SNX29: variants seen among roughly 807,000 people sequenced by gnomAD.
SNX29 encodes the protein sorting nexin-29.
In SNX29, 78 loss-of-function variants were observed where a neutral mutation model predicts 102.1. The observed-to-expected ratio is 0.76, with a 90% CI of 0.64 to 0.92. The LOEUF is 0.92. Among genes scored for constraint, SNX29 ranks in the 40% least tolerant of loss-of-function variants. The probability of loss-of-function intolerance (pLI) is 0.00; values close to 1 mark genes in which losing one functional copy is unlikely to be tolerated. For synonymous variants in SNX29, 580 were observed against 414.5 expected (o/e 1.40, Z -4.85); for missense variants, 1,280 against 1,061.7 (o/e 1.21, Z -2.86).
chr16:12,479,598 A>G (rs1437035137), intron 19 of SNX29, among the ~76,000 whole-genome samples: 1 of 152,234 alleles, frequency 6.6e-6, no homozygotes, highest in East Asian at 1.9e-4. Context: ...ATACTTGTTC[A>G]TAGCAAAGAG....
At chr16:12,542,100 C>A (rs748311253) in intron 20 of SNX29, among the ~76,000 whole-genome samples, 1 of 152,094 alleles carries the variant, frequency 6.6e-6, no homozygotes, top group African/African-American at 2.4e-5. Context: ...TTGTCTCTTC[C>A]CAACGGATCC....
chr16:12,155,940 G>A (rs79259756), intron 13 of SNX29, among the ~76,000 whole-genome samples: 24,982 of 152,198 alleles, frequency 0.16, 2,237 homozygotes, highest in East Asian at 0.28. Flanking sequence ...AGCCAAAGCT[G>A]GTGAGTGGTA....
chr16:12,199,790 G>C, intron 14 of SNX29, 107 bp downstream of exon 14: 1 of 915,802 alleles, frequency 1.1e-6, no homozygotes, highest in South Asian at 1.5e-5. Flanking sequence ...TATGTGGATG[G>C]ATTAGAATAA....
chr16:12,293,234 GCCTGACCC>G (rs1399785019), intron 15 of SNX29, among the ~76,000 whole-genome samples: 2 of 152,166 alleles, frequency 1.3e-5, no homozygotes, highest in African/African-American at 4.8e-5. Context: ...GAGTCACCAC[GCCTGACCC>G]CATCATATGC....
At chr16:12,036,624 G>A (rs137893971) in intron 4 of SNX29, among the ~76,000 whole-genome samples, 3,440 of 149,962 alleles carry the variant, frequency 0.023, 129 homozygotes, top group African/African-American at 0.078. Flanking sequence ...GTGAGCCACC[G>A]CGCCCAGCGG....
chr16:12,228,403 A>G (rs1298012322), intron 14 of SNX29, among the ~76,000 whole-genome samples: 1 of 152,264 alleles, frequency 6.6e-6, no homozygotes, highest in African/African-American at 2.4e-5. Flanking sequence ...ACTCGAGGTC[A>G]GGTTCAGCTG....
chr16:12,314,246 G>T (rs780866440), intron 15 of SNX29, among the ~76,000 whole-genome samples: 2 of 152,202 alleles, frequency 1.3e-5, no homozygotes, highest in African/African-American at 2.4e-5. Flanking sequence ...CGATTCTCCT[G>T]CCTTGGCCTC....
chr16:12,276,209 A>G (rs936122250), intron 14 of SNX29, among the ~76,000 whole-genome samples: 2 of 151,998 alleles, frequency 1.3e-5, no homozygotes, highest in African/African-American at 2.4e-5. Context: ...TGACATTTTA[A>G]TGGGATTTTG....
intron 4 of SNX29, among the ~76,000 whole-genome samples, chr16:12,027,985 A>G (rs1388857664): frequency 6.6e-6 from 1 of 152,212 alleles, no homozygotes; most frequent in Non-Finnish European, 1.5e-5. Context: ...TGTGAGTAGT[A>G]GGGACTGTTA....
In SNX29 at chr16:12,506,873, C is replaced by T. The variant is rs190559814; in HGVS notation, c.2179-17829C>T. ...ACCTTCTCATCTTTCAAATCTCTTT[C>T]CTCAGGCTTGTCCTTAACGCAGTGT... On this transcript the variant is annotated intron_variant, in intron 19 of 20. Transcript: ENST00000566228. Among the ~76,000 whole-genome samples the T allele has an allele frequency of 7.6e-4, 110 of 143,818 alleles. 2 individuals carry two copies. The East Asian group carries it at 0.021, about 28-fold the overall frequency. The allele number at this position is 143,818 out of a possible 152,430, so 94.4% of individuals were successfully genotyped here.
intron 13 of SNX29, among the ~76,000 whole-genome samples, chr16:12,172,569 G>C (rs1172433583): frequency 6.6e-6 from 1 of 152,018 alleles, no homozygotes; most frequent in Non-Finnish European, 1.5e-5. Context: ...CTATAAAATG[G>C]GTTTATAATA....
chr16:12,407,740 G>GC (rs974876618), intron 18 of SNX29, among the ~76,000 whole-genome samples: 2 of 152,142 alleles, frequency 1.3e-5, no homozygotes, highest in African/African-American at 4.8e-5. Context: ...ATGTTTTTCA[G>GC]CCCCCAAAGC....
chr16:12,074,017 G>C (rs1355377514), intron 10 of SNX29, among the ~76,000 whole-genome samples: 1 of 151,718 alleles, frequency 6.6e-6, no homozygotes, highest in Non-Finnish European at 1.5e-5. Context: ...TTTTCCATTT[G>C]CTTGGTGGCT....
At chr16:12,437,706 C>G (rs2085600099) in intron 18 of SNX29, among the ~76,000 whole-genome samples, 1 of 152,130 alleles carries the variant, frequency 6.6e-6, no homozygotes, top group Non-Finnish European at 1.5e-5. Context: ...CAGGAGCACA[C>G]CGGCACCCAG....
At chr16:12,467,636 GTTCATTCATTCA>G (rs561044492) in intron 18 of SNX29, among the ~76,000 whole-genome samples, 1 of 128,526 alleles carries the variant, frequency 7.8e-6, no homozygotes, top group Non-Finnish European at 1.6e-5. Flanking sequence ...TCGTTCGTTC[GTTCATTCATTCA>G]TTCATTCCAT....
At chr16:12,094,822 C>T (rs534948513) in intron 11 of SNX29, among the ~76,000 whole-genome samples, 1 of 152,216 alleles carries the variant, frequency 6.6e-6, no homozygotes, top group East Asian at 1.9e-4. Context: ...CAGAAGGAAG[C>T]AGCAGGGCCG....
At chr16:12,563,798 CCCA>C (rs1248967255) in intron 20 of SNX29, among the ~76,000 whole-genome samples, 2 of 152,240 alleles carry the variant, frequency 1.3e-5, no homozygotes, top group African/African-American at 4.8e-5. Context: ...GACTGCAACA[CCCA>C]CCCATTTGCT....
At chr16:12,517,572 C>T (rs1362143163) in intron 19 of SNX29, among the ~76,000 whole-genome samples, 1 of 148,734 alleles carries the variant, frequency 6.7e-6, no homozygotes, top group African/African-American at 2.6e-5. Context: ...CTAATTTTAT[C>T]CCAACAGGTA....
At chr16:12,331,120 T>G (rs996718327) in intron 15 of SNX29, among the ~76,000 whole-genome samples, 1 of 152,240 alleles carries the variant, frequency 6.6e-6, no homozygotes, top group Non-Finnish European at 1.5e-5. Flanking sequence ...TTGAATCCTC[T>G]GCTGGTATGA....
Sources: allele counts gnomAD v4.1 joint callset (sites outside exome capture counted in the v4.1 genomes callset), GRCh38; gene constraint gnomAD v4.1.1; transcripts MANE v1.5; gene names NCBI Gene and HGNC (gene_info 2026-07-23, HGNC 2026-07-21).